Variants in CDK6 observed in about 807,000 individuals in gnomAD.
The protein encoded by CDK6 is cyclin dependent kinase 6.
Under a neutral mutation model 37.1 loss-of-function variants are expected in CDK6, and 6 were observed. That is an observed-to-expected ratio of 0.16 (90% CI 0.09 to 0.32). The LOEUF (loss-of-function observed/expected upper bound fraction) is 0.32, where lower values mean the gene tolerates loss of function less well. Ranked by LOEUF, CDK6 falls within the 10% of genes least tolerant of loss-of-function variation. The pLI is 1.00. For synonymous variants in CDK6, 160 were observed against 161.3 expected (o/e 0.99, Z 0.06); for missense variants, 224 against 418.9 (o/e 0.53, Z 4.06).
chr7:92,655,163 A>T (rs1004595262), intron 5 of CDK6, among the ~76,000 whole-genome samples: 4 of 152,058 alleles, frequency 2.6e-5, no homozygotes, highest in African/African-American at 9.7e-5. Flanking sequence ...GGATTTTTCA[A>T]TTCAGTTCTG....
intron 2 of CDK6, among the ~76,000 whole-genome samples, chr7:92,827,186 AG>A (rs1255294994): frequency 2.0e-5 from 3 of 152,162 alleles, no homozygotes; most frequent in Non-Finnish European, 4.4e-5. Flanking sequence ...AACAGATCAA[AG>A]GGGGTTGCAC....
At chr7:92,814,885 T>C (rs1238731923) in intron 2 of CDK6, among the ~76,000 whole-genome samples, 4 of 151,860 alleles carry the variant, frequency 2.6e-5, no homozygotes, top group Non-Finnish European at 4.4e-5. Context: ...TACCCCTTCA[T>C]TTCAAAATCA....
At chr7:92,662,983 G>A (rs11768753) in intron 5 of CDK6, among the ~76,000 whole-genome samples, 8,190 of 152,224 alleles carry the variant, frequency 0.054, 294 homozygotes, top group Middle Eastern at 0.21. Context: ...GGGAAGAAAG[G>A]AACTTCTTCC....
At chr7:92,811,646 T>C (rs1800888234) in intron 2 of CDK6, among the ~76,000 whole-genome samples, 1 of 152,022 alleles carries the variant, frequency 6.6e-6, no homozygotes, top group African/African-American at 2.4e-5. Flanking sequence ...CTACCTGATA[T>C]AATGTCACAC....
intron 3 of CDK6, among the ~76,000 whole-genome samples, chr7:92,742,773 T>G (rs1355350377): frequency 6.6e-6 from 1 of 151,998 alleles, no homozygotes; most frequent in Non-Finnish European, 1.5e-5. Context: ...CTTTTGTACT[T>G]TTTTGGAAGA....
chr7:92,715,011 C>T (rs1209653347), intron 4 of CDK6, among the ~76,000 whole-genome samples: 1 of 152,184 alleles, frequency 6.6e-6, no homozygotes, highest in African/African-American at 2.4e-5. Flanking sequence ...ATACCATGTG[C>T]AGTCCCTACC....
chr7:92,664,034 A>G (rs1796898981), intron 5 of CDK6, among the ~76,000 whole-genome samples: 1 of 151,914 alleles, frequency 6.6e-6, no homozygotes, highest in Non-Finnish European at 1.5e-5. Flanking sequence ...CCAGCTACTC[A>G]GGAGGCTGAG....
rs939589156 is a variant in CDK6 at position 92,787,198 on chromosome 7, A to G, written c.234-12367T>C. On this transcript the variant is annotated intron_variant, in intron 2 of 7. Transcript: ENST00000424848. The stretch of plus-strand genomic sequence containing the variant: ...GAGACTCCATCACAAAAAAAAAAAA[A>G]AAAAAAAAAAATGTAGCCAGTGGCT... 3.3e-5 allele frequency among the ~76,000 whole-genome samples: 5 copies of G among 151,734 alleles called. No homozygotes were observed. The South Asian group carries it at 8.3e-4, about 25-fold the overall frequency.
Position 92,671,509 on chromosome 7 carries a change from G to C in CDK6, c.564C>G (p.Pro188=), listed in dbSNP as rs748277804. ...SVVVTLWYRA[P]EVLLQSSYAT... ...CGTAGCTGGACTGGAGCAAGACTTC[G>C]GGTGCTCTGTACCACAGCGTGACGA... The change falls in exon 5 of 8, where the codon CCC becomes CCG. Residue 188 remains proline (P), a synonymous_variant. Transcript: ENST00000424848. 82 of 1,589,892 alleles carry C rather than the reference G, an allele frequency of 5.2e-5. No individual in the cohort carries two copies. The highest frequency in any genetic ancestry group is 1.7e-4 in the Middle Eastern group (1 of 5,848).
chr7:92,799,100 T>G (rs1180153587), intron 2 of CDK6, among the ~76,000 whole-genome samples: 1 of 152,174 alleles, frequency 6.6e-6, no homozygotes, highest in Non-Finnish European at 1.5e-5. Flanking sequence ...TGTGCCTATC[T>G]CTATCAGATT....
chr7:92,736,089 C>T (rs150741783), intron 3 of CDK6, among the ~76,000 whole-genome samples: 2,790 of 152,168 alleles, frequency 0.018, 56 homozygotes, highest in Non-Finnish European at 0.026. Context: ...AGACAAGTCA[C>T]TTGCAACTTT....
Position 92,725,712 on chromosome 7 carries a change from T to C in CDK6, c.451A>G (p.Ile151Val). 1.2e-6 allele frequency: 2 copies of C among 1,614,118 alleles called. No individual in the cohort carries two copies. The highest frequency in any genetic ancestry group is 1.7e-6 in the Non-Finnish European group (2 of 1,179,974). ...ATTTGTCCGCTGCTGGTCACCAGAATGTTCTGTGGTTTTAGATCGCGATGC... is the reference window on the plus strand; with the variant it reads ...ATTTGTCCGCTGCTGGTCACCAGAACGTTCTGTGGTTTTAGATCGCGATGC... Reference protein sequence around the residue: ...VVHRDLKPQNILVTSSGQIKL... With the variant: ...VVHRDLKPQNVLVTSSGQIKL... The change falls in exon 4 of 8, where the codon ATT (isoleucine) becomes GTT (valine). Residue 151 changes from isoleucine to valine, a missense_variant. Ile to Val is a conservative substitution (Grantham distance 29). This residue lies in a region of CDK6 where 82 missense variants were observed against 202.1 expected (regional missense o/e 0.41). Coordinates refer to ENST00000424848, the MANE Select transcript of CDK6 (RefSeq NM_001145306.2).
rs373638123 is a variant in CDK6 at position 92,833,418 on chromosome 7, C to T, written c.-95G>A. The T allele has an allele frequency of 1.2e-6, 1 of 850,478 alleles. No individual in the cohort carries two copies. The highest frequency in any genetic ancestry group is 1.8e-6 in the Non-Finnish European group (1 of 565,782). The allele number at this position is 850,478 out of a possible 1,614,324, so 52.7% of individuals were successfully genotyped here. ...GCCGCTCGCCTACTCCGGGGCTCCC[C>T]GGAGATCGGTCTAGCTTTACTTGCT... is the stretch of plus-strand genomic sequence containing the variant. On this transcript the variant is annotated 5_prime_UTR_variant, in exon 2 of 8. Transcript: ENST00000424848. The surrounding 1 kb of genome is among the most constrained non-coding windows in gnomAD (Gnocchi z 6.1).
intron 2 of CDK6, among the ~76,000 whole-genome samples, chr7:92,789,459 T>G (rs1800227770): frequency 6.6e-6 from 1 of 152,198 alleles, no homozygotes. Context: ...TAAGTCTACG[T>G]TAATGGCCAC....
intron 5 of CDK6, 122 bp downstream of exon 5, chr7:92,671,304 G>T: frequency 1.8e-6 from 1 of 549,154 alleles, no homozygotes; most frequent in Non-Finnish European, 3.1e-6. Flanking sequence ...GTGGTAGCCT[G>T]GGGTAGATGG....
intron 2 of CDK6, among the ~76,000 whole-genome samples, chr7:92,784,327 A>C (rs998659272): frequency 6.6e-6 from 1 of 152,238 alleles, no homozygotes; most frequent in African/African-American, 2.4e-5. Flanking sequence ...TTCCAATACA[A>C]AATAGATTTG....
chr7:92,801,863 C>A (rs1800584788), intron 2 of CDK6, among the ~76,000 whole-genome samples: 1 of 151,964 alleles, frequency 6.6e-6, no homozygotes, highest in African/African-American at 2.4e-5. Context: ...CACAAGTGAT[C>A]CACCCGCCTT....
chr7:92,727,932 T>C lies in CDK6; in HGVS notation c.370-2139A>G, dbSNP rs146448576. Among the ~76,000 whole-genome samples, 535 of 152,316 alleles carry C rather than the reference T, an allele frequency of 3.5e-3. 4 individuals are homozygous for C. The highest frequency in any genetic ancestry group is 0.028 in the South Asian group (136 of 4,820). ...ATGCACACAACTTGTAAGCACTGAA[T>C]TTTAAAAAGCATGACTAACCTAAAG... On this transcript the variant is annotated intron_variant, in intron 3 of 7. Coordinates refer to ENST00000424848, the MANE Select transcript of CDK6 (RefSeq NM_001145306.2).
chr7:92,829,646 G>A (rs1801426466), intron 2 of CDK6, among the ~76,000 whole-genome samples: 1 of 152,166 alleles, frequency 6.6e-6, no homozygotes, highest in African/African-American at 2.4e-5. Context: ...TATTAGCTAT[G>A]TGTCAGTATC....
Sources: allele counts gnomAD v4.1 joint callset (sites outside exome capture counted in the v4.1 genomes callset), GRCh38; gene constraint gnomAD v4.1.1; regional missense constraint gnomAD v4.1.1; non-coding constraint Gnocchi (gnomAD v3.1); transcripts MANE v1.5; gene names NCBI Gene and HGNC (gene_info 2026-07-23, HGNC 2026-07-21).